The following EIF4G1 variants were observed in gnomAD, a reference collection of about 807,000 sequenced individuals.
EIF4G1 encodes EIF4-gamma.
EIF4G1 carries 4 observed loss-of-function variants against 187.8 expected under a neutral mutation model. That is an observed-to-expected ratio of 0.02 (90% CI 0.01 to 0.05). The LOEUF (loss-of-function observed/expected upper bound fraction) is 0.05, where lower values mean the gene tolerates loss of function less well. EIF4G1 is among the 10% of genes least tolerant of loss of function. EIF4G1 has a pLI of 1.00. For missense variants in EIF4G1, 1,647 were observed against 2,081.1 expected (o/e 0.79, Z 4.06); for synonymous variants, 844 against 781.4 (o/e 1.08, Z -1.34).
chr3:184,319,877 G>C (rs568102045), intron 7 of EIF4G1, 76 bp downstream of exon 7: 1 of 1,074,136 alleles, frequency 9.3e-7, no homozygotes, highest in Non-Finnish European at 1.4e-6. Flanking sequence ...ACATTGTGCC[G>C]GAAAGAGCAG....
chr3:184,321,242 A>G (rs754942213), intron 9 of EIF4G1, 40 bp from the exon 10 acceptor site: 1 of 1,612,596 alleles, frequency 6.2e-7, no homozygotes, highest in Non-Finnish European at 8.5e-7. Context: ...GCAGTTAAGC[A>G]CTTGCCTTTA....
At chr3:184,315,965 G>A in intron 3 of EIF4G1, 109 bp downstream of exon 3, 1 of 1,511,542 alleles carries the variant, frequency 6.6e-7, no homozygotes, top group Non-Finnish European at 8.9e-7. Context: ...GCCGCCTGCT[G>A]CCAAATTGAG....
intron 28 of EIF4G1, 69 bp from the exon 29 acceptor site, chr3:184,331,197 T>C (rs1209816684): frequency 6.7e-7 from 1 of 1,502,420 alleles, no homozygotes; most frequent in African/African-American, 1.4e-5. Context: ...GTTGGATTAA[T>C]GTGGTAGAGC....
chr3:184,320,392 G>A, intron 7 of EIF4G1: 1 of 1,416,696 alleles, frequency 7.1e-7, no homozygotes. Flanking sequence ...AGGGAGGGAG[G>A]GGCATTGTGA....
Position 184,331,905 on chromosome 3 carries a change from G to C in EIF4G1, c.4478-41G>C, listed in dbSNP as rs368467831. The C allele has an allele frequency of 1.4e-5, 23 of 1,613,854 alleles. No homozygotes were observed. The Middle Eastern group carries it at 4.9e-4, about 35-fold the overall frequency. ...CCTTGGCCTCCCAGTTCTGAACCGG[G>C]GTAAGGGTATATTGCTCCACTCATC... On this transcript the variant is annotated intron_variant, in intron 31 of 32. Transcript: ENST00000346169.
In EIF4G1 at chr3:184,323,353, C is replaced by T; in HGVS notation, c.2089-55C>T. 1 of 1,612,736 alleles carries T rather than the reference C, an allele frequency of 6.2e-7. No individual in the cohort carries two copies. Among genetic ancestry groups the T allele is most frequent in the Middle Eastern group, 1.7e-4 (1 of 5,982 alleles). ...CTGGAGGCGTGTAGTAGTGGTGTCA[C>T]ATATTGTGCTGACTAGTTCCATGTC... is the stretch of plus-strand genomic sequence containing the variant. On this transcript the variant is annotated intron_variant, in intron 14 of 32. Coordinates refer to ENST00000346169, the MANE Select transcript of EIF4G1 (RefSeq NM_198241.3). The surrounding 1 kb of genome is among the most constrained non-coding windows in gnomAD (Gnocchi z 6.9).
intron 28 of EIF4G1, 149 bp from the exon 29 acceptor site, chr3:184,331,116 CT>C: frequency 1.2e-6 from 1 of 848,098 alleles, no homozygotes; most frequent in Admixed American, 1.8e-5. Context: ...AATGGAAGGG[CT>C]TTGCCTATTA....
chr3:184,316,049 A>T, intron 3 of EIF4G1, 83 bp from the exon 4 acceptor site: 1 of 1,587,138 alleles, frequency 6.3e-7, no homozygotes. Flanking sequence ...CTTGCCGCAG[A>T]TCTGCTCCCC....
At position 184,316,144 on chromosome 3, in the gene EIF4G1, CCGGGGCAG is replaced by C. The variant is rs747701236; in HGVS notation, c.74_81del (p.Pro25HisfsTer27). ...CTCCCCTCTTCAGCCAGCGTTTCCC[CCGGGGCAG>C]ACAGCGCCGGTGGTGTTCAGTACGC... On this transcript the variant is annotated frameshift_variant, in exon 4 of 33. Coordinates refer to ENST00000346169, the MANE Select transcript of EIF4G1 (RefSeq NM_198241.3). LOFTEE classifies it high-confidence loss of function. 9.9e-6 allele frequency: 16 copies of C among 1,614,070 alleles called. No individual in the cohort carries two copies.
At position 184,327,575 on chromosome 3, in the gene EIF4G1, T is replaced by G; in HGVS notation, c.3662-11T>G. 1 of 1,613,840 alleles carries G rather than the reference T, an allele frequency of 6.2e-7. No individual in the cohort carries two copies. The highest frequency in any genetic ancestry group is 1.3e-5 in the African/African-American group (1 of 75,050). ...TGAAAAGTCCCTCTAATCTGTGTTC[T>G]CTTCCCACAGTGAAGCGAGAAGCTG... On this transcript the variant is annotated splice_polypyrimidine_tract_variant and intron_variant, in intron 24 of 32. Coordinates refer to ENST00000346169, the MANE Select transcript of EIF4G1 (RefSeq NM_198241.3).
chr3:184,328,389 C>CAAA, intron 26 of EIF4G1: 2 of 524,958 alleles, frequency 3.8e-6, no homozygotes, highest in East Asian at 3.5e-5. Context: ...AAAACTGTCT[C>CAAA]AAAAAAAAAA....
intron 8 of EIF4G1, 33 bp from the exon 9 acceptor site, chr3:184,320,894 A>C: frequency 6.2e-7 from 1 of 1,613,930 alleles, no homozygotes; most frequent in Non-Finnish European, 8.5e-7. Context: ...GGGACTCTTC[A>C]GTGCAAACTT....
At chr3:184,326,660 T>TA in intron 22 of EIF4G1, 31 bp downstream of exon 22, 1 of 1,603,982 alleles carries the variant, frequency 6.2e-7, no homozygotes, top group Non-Finnish European at 8.5e-7. Flanking sequence ...GCTGGGTGGT[T>TA]ACCCGTCAGA....
chr3:184,326,718 AGGT>A, intron 22 of EIF4G1, 89 bp downstream of exon 22: 1 of 1,529,538 alleles, frequency 6.5e-7, no homozygotes. Flanking sequence ...CTTCAGTACA[AGGT>A]GGTTAGGCAA....
chr3:184,331,380 T>A lies in EIF4G1; in HGVS notation c.4260+16T>A. 6.2e-7 allele frequency: 1 copy of A among 1,614,168 alleles called. No homozygotes were observed. The highest frequency in any genetic ancestry group is 1.3e-5 in the African/African-American group (1 of 75,030). The stretch of plus-strand genomic sequence containing the variant: ...CGCTGAACAGGTTTGGGGATGGAGT[T>A]GGGTTAATTCTAGCATTTGAGGCTG... On this transcript the variant is annotated intron_variant, in intron 29 of 32. Coordinates refer to ENST00000346169, the MANE Select transcript of EIF4G1 (RefSeq NM_198241.3).
chr3:184,327,722 C>T lies in EIF4G1; in HGVS notation c.3780+18C>T, dbSNP rs369900338. The T allele has an allele frequency of 2.7e-5, 43 of 1,613,514 alleles. No individual in the cohort carries two copies. Among genetic ancestry groups the T allele is most frequent in the Non-Finnish European group, 3.3e-5 (39 of 1,179,564 alleles). On this transcript the variant is annotated intron_variant, in intron 25 of 32. Transcript: ENST00000346169. ...ACATGAAAGTAGGCAGTGGGAGCGG[C>T]GTGTGATTGAGGAGTGGGCAGGGAG...
At chr3:184,328,088 AGT>A in intron 26 of EIF4G1, 86 bp downstream of exon 26, 1 of 1,511,782 alleles carries the variant, frequency 6.6e-7, no homozygotes, top group Non-Finnish European at 9.1e-7. Context: ...CTTGCATAAG[AGT>A]GTAGGTTCCC....
chr3:184,316,994 G>A (rs543794719), intron 4 of EIF4G1, among the ~76,000 whole-genome samples: 2 of 152,176 alleles, frequency 1.3e-5, no homozygotes, highest in Non-Finnish European at 2.9e-5. Flanking sequence ...TATGTTGCCC[G>A]AAAGGGCCTT....
chr3:184,319,407 A>G (rs1030147878), intron 6 of EIF4G1, among the ~76,000 whole-genome samples: 1 of 149,954 alleles, frequency 6.7e-6, no homozygotes, highest in Non-Finnish European at 1.5e-5. Context: ...GTGGTAGGAA[A>G]GAGTGCCTGC....
Sources: gnomAD v4.1 joint callset for allele counts (sites outside exome capture counted in the v4.1 genomes callset) on GRCh38, gnomAD v4.1.1 for gene constraint, Gnocchi (gnomAD v3.1) non-coding constraint, MANE v1.5 for transcripts, NCBI Gene and HGNC (gene_info 2026-07-23, HGNC 2026-07-21) for gene names.